The following DMRT1 variants were observed in gnomAD, a reference collection of about 807,000 sequenced individuals.
DMRT1 encodes doublesex and mab-3 related transcription factor 1.
In DMRT1, 7 loss-of-function variants were observed where a neutral mutation model predicts 32.3. The observed-to-expected ratio is 0.22, with a 90% confidence interval of 0.12 to 0.41. The LOEUF is 0.41. Ranked by LOEUF, DMRT1 falls within the 10% of genes least tolerant of loss-of-function variation. The pLI, the probability that DMRT1 is intolerant of heterozygous loss-of-function variation, is 1.00. For synonymous variants in DMRT1, 278 were observed against 206.1 expected, an observed-to-expected ratio of 1.35 and a Z score of -2.99; for missense variants, 625 against 500.5, an observed-to-expected ratio of 1.25 and a Z score of -2.37.
At chr9:868,166 A>T (rs929384847) in intron 2 of DMRT1, among the ~76,000 whole-genome samples, 1 of 152,142 alleles carries the variant, frequency 6.6e-6, no homozygotes, top group East Asian at 1.9e-4. Context: ...TTTTGTAGAG[A>T]TGGGGTTTTA....
chr9:876,682 C>G (rs1318641149), intron 2 of DMRT1, among the ~76,000 whole-genome samples: 2 of 152,072 alleles, frequency 1.3e-5, no homozygotes, highest in African/African-American at 2.4e-5. Flanking sequence ...TAGGCTCGTG[C>G]CACTATGCCC....
At chr9:869,337 A>G (rs545066786) in intron 2 of DMRT1, among the ~76,000 whole-genome samples, 6 of 152,194 alleles carry the variant, frequency 3.9e-5, no homozygotes, top group African/African-American at 7.2e-5. Context: ...ATGTTCATCT[A>G]CACTTGCATT....
At chr9:943,384 A>C (rs1819140809) in intron 4 of DMRT1, among the ~76,000 whole-genome samples, 1 of 152,232 alleles carries the variant, frequency 6.6e-6, no homozygotes, top group South Asian at 2.1e-4. Context: ...TCTCATCTCC[A>C]TGCAGGTTGC....
chr9:866,163 CAAAAAAA>C (rs71327351), intron 2 of DMRT1, among the ~76,000 whole-genome samples: 612 of 52,688 alleles, frequency 0.012, 8 homozygotes, highest in Admixed American at 0.016. Context: ...GAGTCCATCT[CAAAAAAA>C]AAAAAAAAAA....
At chr9:941,394 G>GA (rs1278778859) in intron 4 of DMRT1, among the ~76,000 whole-genome samples, 1 of 134,366 alleles carries the variant, frequency 7.4e-6, no homozygotes, top group East Asian at 2.3e-4. Flanking sequence ...GTTATAACAT[G>GA]GATGAACCTT....
At chr9:962,137 T>C (rs60678247) in intron 4 of DMRT1, among the ~76,000 whole-genome samples, 3,932 of 152,280 alleles carry the variant, frequency 0.026, 180 homozygotes, top group African/African-American at 0.09. Flanking sequence ...TGACTTTGAC[T>C]GTTTGGATTG....
intron 4 of DMRT1, among the ~76,000 whole-genome samples, chr9:934,494 G>C (rs971084712): frequency 6.6e-6 from 1 of 152,038 alleles, no homozygotes; most frequent in Non-Finnish European, 1.5e-5. Context: ...TCACACCAGC[G>C]CTCTCCAGCT....
intron 2 of DMRT1, among the ~76,000 whole-genome samples, chr9:875,228 G>T (rs946112753): frequency 1.8e-4 from 27 of 152,148 alleles, no homozygotes; most frequent in African/African-American, 6.5e-4. Flanking sequence ...CTTAAAACCA[G>T]TATTGTTTCC....
At chr9:886,411 T>C (rs1042941970) in intron 2 of DMRT1, among the ~76,000 whole-genome samples, 28 of 152,136 alleles carry the variant, frequency 1.8e-4, no homozygotes, top group Non-Finnish European at 4.4e-5. Flanking sequence ...ACGGGCCAGA[T>C]ACACGCCCGG....
chr9:883,825 C>G (rs1198669003), intron 2 of DMRT1, among the ~76,000 whole-genome samples: 2 of 151,742 alleles, frequency 1.3e-5, no homozygotes, highest in African/African-American at 2.4e-5. Flanking sequence ...ACAACTTACG[C>G]TTTTGCTATA....
intron 2 of DMRT1, among the ~76,000 whole-genome samples, chr9:864,212 CTTTTTTTTT>C (rs5895867): frequency 7.4e-6 from 1 of 135,006 alleles, no homozygotes; most frequent in African/African-American, 2.8e-5. Flanking sequence ...TCTTTTTTTT[CTTTTTTTTT>C]TTTTGAGACA....
At chr9:928,654 A>G (rs562202488) in intron 4 of DMRT1, among the ~76,000 whole-genome samples, 1 of 152,274 alleles carries the variant, frequency 6.6e-6, no homozygotes, top group South Asian at 2.1e-4. Flanking sequence ...TCAGCCCAGT[A>G]GTTTTTTACC....
chr9:885,600 C>T (rs1816897472), intron 2 of DMRT1, among the ~76,000 whole-genome samples: 1 of 152,198 alleles, frequency 6.6e-6, no homozygotes, highest in African/African-American at 2.4e-5. Flanking sequence ...ATCTACTCGT[C>T]TCAATGCCCA....
intron 4 of DMRT1, among the ~76,000 whole-genome samples, chr9:939,614 G>A (rs1313535726): frequency 6.6e-6 from 1 of 152,018 alleles, no homozygotes; most frequent in Non-Finnish European, 1.5e-5. Flanking sequence ...CTACAAAGAG[G>A]GCTTTGCATT....
chr9:898,547 C>T lies in DMRT1; in HGVS notation c.822+4352C>T, dbSNP rs35844667. ...GACAATGCCTTGCCCCTCTTGGTGG[C>T]AGCTTCCTAGGAGAGGGCAGAGTCG... On this transcript the variant is annotated intron_variant, in intron 3 of 4. Coordinates refer to ENST00000382276, the MANE Select transcript of DMRT1 (RefSeq NM_021951.3). Among the ~76,000 whole-genome samples the T allele has an allele frequency of 1.1e-3, 170 of 152,296 alleles. 1 individual carries two copies. The highest frequency in any genetic ancestry group is 1.8e-3 in the Non-Finnish European group (123 of 68,036).
In DMRT1 at chr9:853,055, A is replaced by G. The variant is rs541578285; in HGVS notation, c.538+5912A>G. ...AAGAGATATGGCTGGTGAATTCACA[A>G]CGGAAGATAGTTGTTTAAATTAAAA... On this transcript the variant is annotated intron_variant, in intron 2 of 4. Coordinates refer to ENST00000382276, the MANE Select transcript of DMRT1 (RefSeq NM_021951.3). Among the ~76,000 whole-genome samples, 6 of 152,308 alleles carry G rather than the reference A, an allele frequency of 3.9e-5. No homozygotes were observed. In the East Asian group the frequency reaches 1.2e-3, roughly 29 times the overall value.
intron 4 of DMRT1, among the ~76,000 whole-genome samples, chr9:952,842 G>T (rs934529704): frequency 2.0e-5 from 3 of 152,212 alleles, no homozygotes; most frequent in Non-Finnish European, 4.4e-5. Context: ...GTAACATTAA[G>T]GGTGAAATTA....
At chr9:940,364 A>C (rs1445670093) in intron 4 of DMRT1, among the ~76,000 whole-genome samples, 2 of 152,118 alleles carry the variant, frequency 1.3e-5, no homozygotes, top group Non-Finnish European at 2.9e-5. Flanking sequence ...ACAGACATAG[A>C]GACCAATAGA....
At position 882,653 on chromosome 9, in the gene DMRT1, C is replaced by G. The variant is rs555377232; in HGVS notation, c.539-11259C>G. 3.9e-5 allele frequency among the ~76,000 whole-genome samples: 6 copies of G among 152,042 alleles called. No homozygotes were observed. In the South Asian group the frequency reaches 1.3e-3, roughly 32 times the overall value. On this transcript the variant is annotated intron_variant, in intron 2 of 4. Transcript: ENST00000382276. ...CTGTTTCAAATCAAGACCTGCTCAC[C>G]TTGAAGGCCTGTGTTTGCTCAGCCT...
Sources: gnomAD v4.1 joint callset for allele counts (sites outside exome capture counted in the v4.1 genomes callset) on GRCh38, gnomAD v4.1.1 for gene constraint, MANE v1.5 for transcripts, NCBI Gene and HGNC (gene_info 2026-07-23, HGNC 2026-07-21) for gene names.